CSMD1: variants seen among roughly 807,000 people sequenced by gnomAD.
CSMD1 encodes CUB and sushi domain-containing protein 1.
In CSMD1, 213 loss-of-function variants were observed where a neutral mutation model predicts 417.5. That is an observed-to-expected ratio of 0.51 (90% CI 0.46 to 0.57). The LOEUF is 0.57. Ranked by LOEUF, CSMD1 falls within the 20% of genes least tolerant of loss-of-function variation. The pLI, the probability that CSMD1 is intolerant of heterozygous loss-of-function variation, is 0.00. For synonymous variants in CSMD1, 2,862 were observed against 1,736.8 expected (o/e 1.65, Z -16.11); for missense variants, 6,923 against 4,529.7 (o/e 1.53, Z -15.17).
intron 29 of CSMD1, among the ~76,000 whole-genome samples, chr8:3,218,228 G>C (rs1224336911): frequency 6.6e-6 from 1 of 152,122 alleles, no homozygotes; most frequent in African/African-American, 2.4e-5. Flanking sequence ...CTGAGGCAGG[G>C]AAGGGTACAG....
chr8:3,724,205 T>TA (rs1231055940), intron 6 of CSMD1, among the ~76,000 whole-genome samples: 1 of 149,212 alleles, frequency 6.7e-6, no homozygotes, highest in South Asian at 2.1e-4. Flanking sequence ...CTTTTTTTTT[T>TA]TTATTATTAT....
chr8:4,110,495 A>G (rs1006295494), intron 3 of CSMD1, among the ~76,000 whole-genome samples: 14 of 152,152 alleles, frequency 9.2e-5, no homozygotes, highest in South Asian at 2.1e-4. Flanking sequence ...AACTTTTCAT[A>G]TATTATTTTC....
At chr8:3,749,313 TG>T (rs1352771352) in intron 6 of CSMD1, among the ~76,000 whole-genome samples, 5 of 152,222 alleles carry the variant, frequency 3.3e-5, no homozygotes, top group African/African-American at 1.2e-4. Context: ...AAATATATTG[TG>T]GGTTTTTCCC....
chr8:3,343,291 T>C lies in CSMD1; in HGVS notation c.3631+3A>G. 6.2e-7 allele frequency: 1 copy of C among 1,612,268 alleles called. No homozygotes were observed. Among genetic ancestry groups the C allele is most frequent in the Non-Finnish European group, 8.5e-7 (1 of 1,178,500 alleles). On this transcript the variant is annotated splice_donor_region_variant and intron_variant, in intron 23 of 69. Coordinates refer to ENST00000635120, the MANE Select transcript of CSMD1 (RefSeq NM_033225.6). ...GAACGTGATTAAGTCGTATGTTACT[T>C]ACTGGTATAGGTGAGTTGAAAACCT...
chr8:4,051,679 T>C (rs1389059645), intron 3 of CSMD1, among the ~76,000 whole-genome samples: 2 of 152,006 alleles, frequency 1.3e-5, no homozygotes, highest in Non-Finnish European at 2.9e-5. Context: ...TCTGTACTGA[T>C]CAAGGCCAAT....
intron 3 of CSMD1, among the ~76,000 whole-genome samples, chr8:4,404,985 C>A (rs1344182326): frequency 2.0e-5 from 3 of 152,190 alleles, no homozygotes; most frequent in Admixed American, 6.5e-5. Flanking sequence ...GAGGATTAGT[C>A]ATTTTCTCAA....
intron 2 of CSMD1, among the ~76,000 whole-genome samples, chr8:4,514,611 G>T (rs1447776000): frequency 6.6e-6 from 1 of 152,126 alleles, no homozygotes; most frequent in Middle Eastern, 3.2e-3. Flanking sequence ...CTGTATCTTG[G>T]TTTTTAAAGT....
At chr8:3,423,330 T>G (rs371838723) in intron 12 of CSMD1, among the ~76,000 whole-genome samples, 16 of 152,298 alleles carry the variant, frequency 1.1e-4, no homozygotes, top group Admixed American at 5.9e-4. Flanking sequence ...TTTCAGTCCA[T>G]TTTTTCTCCC....
intron 1 of CSMD1, among the ~76,000 whole-genome samples, chr8:4,987,998 A>C (rs11995266): frequency 0.045 from 6,811 of 152,202 alleles, 512 homozygotes; most frequent in African/African-American, 0.15. Context: ...TATTGTGGGA[A>C]TTCACTTTGT....
rs920234365 is a variant in CSMD1, at chr8:4,220,144, T to A, written c.416-188045A>T. Among the ~76,000 whole-genome samples the A allele has an allele frequency of 2.0e-4, 31 of 152,152 alleles. 3 individuals are homozygous for A. Among genetic ancestry groups the A allele is most frequent in the Admixed American group, 7.8e-4 (12 of 15,292 alleles). The stretch of plus-strand genomic sequence containing the variant: ...TTTTGTATTTTCAGTAGAGACAGGG[T>A]TTTGCCATGTCGGCCAAGCTCGTCT... On this transcript the variant is annotated intron_variant, in intron 3 of 69. Transcript: ENST00000635120.
intron 4 of CSMD1, among the ~76,000 whole-genome samples, chr8:4,009,787 C>T (rs1318880758): frequency 6.6e-6 from 1 of 152,078 alleles, no homozygotes; most frequent in African/African-American, 2.4e-5. Context: ...GAGACATGGA[C>T]CATTCCTGCT....
At chr8:4,917,321 C>A (rs1806130617) in intron 1 of CSMD1, among the ~76,000 whole-genome samples, 1 of 152,192 alleles carries the variant, frequency 6.6e-6, no homozygotes, top group South Asian at 2.1e-4. Context: ...CCACCTTCAA[C>A]ACTGGGCATT....
At chr8:4,403,368 T>G (rs986487710) in intron 3 of CSMD1, among the ~76,000 whole-genome samples, 2 of 152,274 alleles carry the variant, frequency 1.3e-5, no homozygotes, top group Non-Finnish European at 1.5e-5. Context: ...AGTCTCTACT[T>G]GACCTCTCTA....
At chr8:4,951,529 G>A (rs1306138677) in intron 1 of CSMD1, among the ~76,000 whole-genome samples, 16 of 144,574 alleles carry the variant, frequency 1.1e-4, no homozygotes, top group Non-Finnish European at 2.1e-4. Flanking sequence ...AGGGGAGAAA[G>A]AGAAAAGAAA....
intron 3 of CSMD1, among the ~76,000 whole-genome samples, chr8:4,285,695 C>G (rs1263744460): frequency 6.6e-6 from 1 of 152,136 alleles, no homozygotes; most frequent in African/African-American, 2.4e-5. Context: ...TGGAGCTTTC[C>G]AGAACTAGTA....
At chr8:4,037,181 G>C (rs13265371) in intron 3 of CSMD1, among the ~76,000 whole-genome samples, 11,452 of 152,288 alleles carry the variant, frequency 0.075, 582 homozygotes, top group Non-Finnish European at 0.11. Flanking sequence ...AATATTAGAA[G>C]TGTTTTGATC....
At chr8:3,561,385 G>C (rs985943430) in intron 10 of CSMD1, among the ~76,000 whole-genome samples, 1 of 152,176 alleles carries the variant, frequency 6.6e-6, no homozygotes, top group South Asian at 2.1e-4. Context: ...ATCAACTTAA[G>C]TGTCCAACAA....
intron 9 of CSMD1, among the ~76,000 whole-genome samples, chr8:3,579,466 G>C (rs1280014348): frequency 3.3e-5 from 5 of 152,224 alleles, no homozygotes; most frequent in African/African-American, 1.2e-4. Context: ...TTAAATTAGT[G>C]GGATTTCAGG....
At chr8:4,147,479 C>T (rs1421259511) in intron 3 of CSMD1, among the ~76,000 whole-genome samples, 1 of 152,142 alleles carries the variant, frequency 6.6e-6, no homozygotes, top group Non-Finnish European at 1.5e-5. Context: ...TACATGATTG[C>T]CTTTGTGCTC....
Sources: allele counts gnomAD v4.1 joint callset (sites outside exome capture counted in the v4.1 genomes callset), GRCh38; gene constraint gnomAD v4.1.1; transcripts MANE v1.5; gene names NCBI Gene and HGNC (gene_info 2026-07-23, HGNC 2026-07-21).